The following CALN1 variants were observed in gnomAD, a reference collection of about 807,000 sequenced individuals.
CALN1 encodes calcium-binding protein 8.
Under a neutral mutation model 30.6 loss-of-function variants are expected in CALN1, and 17 were observed. The ratio of observed to expected loss-of-function variants is 0.56; its 90% confidence interval spans 0.38 to 0.83. CALN1 has a LOEUF of 0.83. Among genes scored for constraint, CALN1 ranks in the 40% least tolerant of loss-of-function variants. The probability of loss-of-function intolerance (pLI) is 0.00; values close to 1 mark genes in which losing one functional copy is unlikely to be tolerated. For missense variants in CALN1, 291 were observed against 354.9 expected, an observed-to-expected ratio of 0.82 and a Z score of 1.45; for synonymous variants, 156 against 131.4, an observed-to-expected ratio of 1.19 and a Z score of -1.28.
At chr7:72,256,568 A>G (rs1248022069) in intron 3 of CALN1, among the ~76,000 whole-genome samples, 1 of 151,970 alleles carries the variant, frequency 6.6e-6, no homozygotes, top group Non-Finnish European at 1.5e-5. Flanking sequence ...TCACATTAAA[A>G]TATCCTTCAC....
chr7:71,821,951 A>G (rs372825436), intron 5 of CALN1, among the ~76,000 whole-genome samples: 3 of 151,584 alleles, frequency 2.0e-5, no homozygotes, highest in African/African-American at 7.3e-5. Context: ...CATTTTTTGT[A>G]GAGATGCAGT....
At chr7:72,388,967 CCT>C (rs779204717) in intron 2 of CALN1, among the ~76,000 whole-genome samples, 65 of 152,144 alleles carry the variant, frequency 4.3e-4, no homozygotes, top group Non-Finnish European at 6.0e-4. Flanking sequence ...TCTATTTTGC[CCT>C]CTCTCTAGAC....
At position 71,856,030 on chromosome 7, in the gene CALN1, T is replaced by C. The variant is rs142835706; in HGVS notation, c.502-45538A>G. Reference sequence around the variant, plus strand: ...ACAGGGTCTCTATGTATGTATGTATTTTGTATATGTAGATATGTATATATT... The same window carrying C: ...ACAGGGTCTCTATGTATGTATGTATCTTGTATATGTAGATATGTATATATT... On this transcript the variant is annotated intron_variant, in intron 5 of 6. Transcript: ENST00000395275. Among the ~76,000 whole-genome samples, 9 of 152,174 alleles carry C rather than the reference T, an allele frequency of 5.9e-5. No individual in the cohort carries two copies. The East Asian group carries it at 1.7e-3, about 29-fold the overall frequency.
intron 2 of CALN1, among the ~76,000 whole-genome samples, chr7:72,314,844 A>C (rs570629269): frequency 3.2e-4 from 49 of 151,568 alleles, no homozygotes; most frequent in Non-Finnish European, 5.6e-4. Flanking sequence ...TTGTTAAAAA[A>C]AAAAAAACAA....
intron 5 of CALN1, among the ~76,000 whole-genome samples, chr7:71,899,327 G>A (rs1793723755): frequency 6.6e-6 from 1 of 152,086 alleles, no homozygotes; most frequent in Admixed American, 6.6e-5. Context: ...ATTTTTAGTA[G>A]AGATGGAGTT....
intron 5 of CALN1, among the ~76,000 whole-genome samples, chr7:71,934,957 A>G (rs2129521131): frequency 6.6e-6 from 1 of 152,130 alleles, no homozygotes; most frequent in East Asian, 1.9e-4. Context: ...AGCACAGTAA[A>G]GACCCACCCC....
chr7:71,823,608 C>A (rs1788725218), intron 5 of CALN1, among the ~76,000 whole-genome samples: 1 of 152,068 alleles, frequency 6.6e-6, no homozygotes, highest in East Asian at 1.9e-4. Context: ...GTCCCACCTA[C>A]TTGGGAGACT....
At chr7:72,449,548 C>T (rs1451730528), upstream of CALN1, among the ~76,000 whole-genome samples, 3 of 152,244 alleles carry the variant, frequency 2.0e-5, no homozygotes, top group Non-Finnish European at 2.9e-5. Flanking sequence ...AGCCCTCACC[C>T]CCACTGGCCG....
chr7:72,151,077 C>T (rs370514361), intron 3 of CALN1, among the ~76,000 whole-genome samples: 2 of 152,118 alleles, frequency 1.3e-5, no homozygotes, highest in Non-Finnish European at 2.9e-5. Context: ...GCCTGTAAGA[C>T]GATCCTGTAT....
chr7:72,330,233 C>A (rs7799416), intron 2 of CALN1, among the ~76,000 whole-genome samples: 1 of 151,780 alleles, frequency 6.6e-6, no homozygotes. Flanking sequence ...GTGGAGGGTG[C>A]AGGGAGTTGA....
At chr7:72,276,646 C>A (rs1483631900) in intron 3 of CALN1, among the ~76,000 whole-genome samples, 1 of 151,492 alleles carries the variant, frequency 6.6e-6, no homozygotes, top group African/African-American at 2.4e-5. Flanking sequence ...AGTTCATTAT[C>A]CAGAGCGTGG....
At chr7:72,467,289 G>A in the CALN1 span, among the ~76,000 whole-genome samples, 7 of 152,324 alleles carry the variant, frequency 4.6e-5, no homozygotes, top group South Asian at 6.2e-4. Context: ...CTGAGAAGGC[G>A]GTTTGCAATG....
chr7:71,925,495 GTTT>G (rs35167114), intron 5 of CALN1, among the ~76,000 whole-genome samples: 4 of 136,530 alleles, frequency 2.9e-5, no homozygotes, highest in South Asian at 2.3e-4. Context: ...GGTTTTTTTG[GTTT>G]TTTTTTTTGG....
chr7:72,485,910 G>A, the CALN1 span, among the ~76,000 whole-genome samples: 1 of 152,094 alleles, frequency 6.6e-6, no homozygotes. Flanking sequence ...ACTAAATGTA[G>A]ATATACAGTC....
chr7:72,262,406 A>G (rs1796325933), intron 3 of CALN1, among the ~76,000 whole-genome samples: 1 of 152,042 alleles, frequency 6.6e-6, no homozygotes, highest in South Asian at 2.1e-4. Context: ...TTACATGGAT[A>G]TATTGCATGA....
chr7:72,157,245 C>T (rs1030072963), intron 3 of CALN1, among the ~76,000 whole-genome samples: 5 of 152,088 alleles, frequency 3.3e-5, no homozygotes, highest in African/African-American at 9.7e-5. Flanking sequence ...CACACAACAA[C>T]GATATGCAAA....
chr7:71,860,409 T>C (rs968064399), intron 5 of CALN1, among the ~76,000 whole-genome samples: 1 of 152,170 alleles, frequency 6.6e-6, no homozygotes, highest in Non-Finnish European at 1.5e-5. Context: ...GCCAAGCTGG[T>C]CTTGAACTCC....
At chr7:72,059,224 A>G (rs1803482058) in intron 4 of CALN1, among the ~76,000 whole-genome samples, 1 of 152,184 alleles carries the variant, frequency 6.6e-6, no homozygotes, top group Admixed American at 6.5e-5. Context: ...TCTTTCCAAG[A>G]TCTAGACCTC....
At chr7:71,789,331 C>T (rs1235971800) in intron 6 of CALN1, among the ~76,000 whole-genome samples, 3 of 152,222 alleles carry the variant, frequency 2.0e-5, no homozygotes, top group South Asian at 2.1e-4. Flanking sequence ...GTAGGAGAAT[C>T]GCTTGAACCC....
Sources: allele counts gnomAD v4.1 joint callset (sites outside exome capture counted in the v4.1 genomes callset), GRCh38; gene constraint gnomAD v4.1.1; transcripts MANE v1.5; gene names NCBI Gene and HGNC (gene_info 2026-07-23, HGNC 2026-07-21).